The following ABCA13 variants were observed in gnomAD, a reference collection of about 807,000 sequenced individuals.
ABCA13 encodes ATP-binding cassette sub-family A member 13.
A neutral mutation model predicts 478.7 loss-of-function variants in ABCA13; 476 were observed. The ratio of observed to expected loss-of-function variants is 0.99; its 90% CI spans 0.92 to 1.07. The LOEUF is 1.07. Ranked by LOEUF, ABCA13 falls within the 50% of genes least tolerant of loss-of-function variation. ABCA13 has a pLI of 0.00. For synonymous variants in ABCA13, 2,252 were observed against 2,158.9 expected, an observed-to-expected ratio of 1.04 and a Z score of -1.20; for missense variants, 6,060 against 5,910.6, an observed-to-expected ratio of 1.03 and a Z score of -0.83.
At chr7:48,594,443 AT>A (rs1033082407) in intron 57 of ABCA13, among the ~76,000 whole-genome samples, 14 of 151,200 alleles carry the variant, frequency 9.3e-5, no homozygotes, top group African/African-American at 3.4e-4. Flanking sequence ...TGTTTTTTGA[AT>A]TTCTCTGGAT....
intron 27 of ABCA13, among the ~76,000 whole-genome samples, chr7:48,327,811 G>T (rs1563058337): frequency 6.6e-6 from 1 of 152,176 alleles, no homozygotes; most frequent in African/African-American, 2.4e-5. Context: ...ATAACTTTGT[G>T]TAGCAATGCA....
At chr7:48,350,614 A>T (rs1199236613) in intron 29 of ABCA13, 29 bp from the exon 30 acceptor site, 1 of 1,552,118 alleles carries the variant, frequency 6.4e-7, no homozygotes, top group Non-Finnish European at 8.7e-7. Context: ...ACAGAAGTTG[A>T]TGTGTCCTAA....
At chr7:48,461,535 C>A (rs1309473444) in intron 43 of ABCA13, among the ~76,000 whole-genome samples, 1 of 152,118 alleles carries the variant, frequency 6.6e-6, no homozygotes, top group Non-Finnish European at 1.5e-5. Context: ...TGTATGGGGA[C>A]AAAGTCCAGC....
intron 3 of ABCA13, among the ~76,000 whole-genome samples, chr7:48,202,969 G>A (rs1329883372): frequency 6.6e-6 from 1 of 152,204 alleles, no homozygotes; most frequent in Non-Finnish European, 1.5e-5. Context: ...AGGGGGCGGC[G>A]CTCGTCGGGG....
At chr7:48,325,675 A>T (rs10226712) in intron 27 of ABCA13, among the ~76,000 whole-genome samples, 102,145 of 152,046 alleles carry the variant, frequency 0.67, 34,464 homozygotes, top group Admixed American at 0.74. Context: ...TTTAATATGA[A>T]TAATTATTAC....
At chr7:48,188,062 C>A (rs1041044318) in intron 1 of ABCA13, among the ~76,000 whole-genome samples, 2 of 151,950 alleles carry the variant, frequency 1.3e-5, no homozygotes, top group African/African-American at 4.8e-5. Context: ...CCTTCAATAT[C>A]TAGTGTGATC....
chr7:48,340,595 G>T (rs990312580), intron 29 of ABCA13, among the ~76,000 whole-genome samples: 3 of 152,048 alleles, frequency 2.0e-5, no homozygotes, highest in Non-Finnish European at 4.4e-5. Flanking sequence ...ATGAAGATAA[G>T]AATATGTATT....
intron 3 of ABCA13, among the ~76,000 whole-genome samples, chr7:48,209,258 G>T (rs1785316170): frequency 6.6e-6 from 1 of 152,012 alleles, no homozygotes; most frequent in Non-Finnish European, 1.5e-5. Context: ...ATTCAGTTTT[G>T]TTGGTATTTT....
Position 48,298,423 on chromosome 7 carries a change from C to A in ABCA13, c.9257C>A (p.Ser3086Tyr), listed in dbSNP as rs1020323110. ...ACCAAGTTGACTGAGGAGCTTCGCT[C>A]TTCCATCCAAATCTCGAATGAGACT... The part of the protein sequence containing the change: ...NITKLTEELR[S>Y]SIQISNETIH... Residue 3086 changes from serine (S) to tyrosine (Y), a missense_variant, in exon 23 of 62, where the codon TCT (serine) becomes TAT (tyrosine). Ser to Tyr is a moderately radical substitution (Grantham distance 144). This residue lies in a region of ABCA13 where 4,423 missense variants were observed against 4,309.1 expected (regional missense o/e 1.03). Transcript: ENST00000435803. 6.2e-7 allele frequency: 1 copy of A among 1,613,318 alleles called. No individual in the cohort carries two copies. The highest frequency in any genetic ancestry group is 8.5e-7 in the Non-Finnish European group (1 of 1,179,438).
chr7:48,382,337 CAA>C (rs1814522721), intron 35 of ABCA13, among the ~76,000 whole-genome samples: 1 of 152,172 alleles, frequency 6.6e-6, no homozygotes, highest in Non-Finnish European at 1.5e-5. Context: ...TCCCCAACTC[CAA>C]AATGTCTAGA....
rs1176747954 is a variant in ABCA13, at chr7:48,272,483, A to G, written c.2817A>G (p.Gln939=). 6 of 1,613,820 alleles carry G rather than the reference A, an allele frequency of 3.7e-6. No individual in the cohort carries two copies. In the South Asian group the frequency reaches 6.6e-5, roughly 18 times the overall value. The part of the protein sequence containing the change: ...LFSALSEPQK[Q]EVDKILTHIH... ...CAGCCCTTTCTGAACCACAAAAACA[A>G]GAAGTTGATAAAATTTTGACTCACA... is the stretch of plus-strand genomic sequence containing the variant. Residue 939 remains glutamine (Q), a synonymous_variant, in exon 17 of 62, where the codon CAA becomes CAG. Transcript: ENST00000435803.
chr7:48,349,362 G>A (rs1299146432), intron 29 of ABCA13, among the ~76,000 whole-genome samples: 2 of 152,158 alleles, frequency 1.3e-5, no homozygotes, highest in African/African-American at 4.8e-5. Flanking sequence ...GAAGGAGCCC[G>A]ACACTTCTTG....
intron 24 of ABCA13, among the ~76,000 whole-genome samples, chr7:48,312,490 T>C (rs1384890225): frequency 1.3e-5 from 2 of 152,134 alleles, no homozygotes; most frequent in Non-Finnish European, 2.9e-5. Flanking sequence ...CAGTTGGTGA[T>C]AGCATAAGTA....
chr7:48,416,568 C>T (rs549378382), intron 41 of ABCA13, among the ~76,000 whole-genome samples: 20 of 152,230 alleles, frequency 1.3e-4, no homozygotes, highest in South Asian at 2.1e-4. Context: ...TCTAGTGCAG[C>T]GCGTGACACA....
At chr7:48,600,360 T>TC (rs1350143197) in intron 58 of ABCA13, among the ~76,000 whole-genome samples, 15 of 152,034 alleles carry the variant, frequency 9.9e-5, no homozygotes, top group African/African-American at 3.6e-4. Flanking sequence ...TTTTTTTTTT[T>TC]CCCAATCTGA....
At chr7:48,257,932 TA>T (rs771847972) in intron 15 of ABCA13, among the ~76,000 whole-genome samples, 6 of 152,242 alleles carry the variant, frequency 3.9e-5, no homozygotes, top group South Asian at 4.1e-4. Flanking sequence ...CTTATTTATT[TA>T]TTTTTTTTGA....
intron 42 of ABCA13, among the ~76,000 whole-genome samples, chr7:48,438,819 A>G (rs775127017): frequency 6.6e-6 from 1 of 151,422 alleles, no homozygotes; most frequent in East Asian, 2.0e-4. Context: ...TAAATATCCA[A>G]CTTTGTTGCT....
At chr7:48,585,930 GATAGAACTGGAAACAGAAA>G (rs1265772341) in intron 56 of ABCA13, among the ~76,000 whole-genome samples, 3 of 152,198 alleles carry the variant, frequency 2.0e-5, no homozygotes, top group African/African-American at 7.2e-5. Context: ...CAGCATAGGA[GATAGAACTGGAAACAGAAA>G]ATATAGTGTG....
chr7:48,588,581 C>T (rs1789429574), intron 57 of ABCA13, among the ~76,000 whole-genome samples: 1 of 152,226 alleles, frequency 6.6e-6, no homozygotes, highest in African/African-American at 2.4e-5. Flanking sequence ...TTGAATTTTG[C>T]TTCTGCAGCT....
Sources: gnomAD v4.1 joint callset for allele counts (sites outside exome capture counted in the v4.1 genomes callset) on GRCh38, gnomAD v4.1.1 for gene constraint, gnomAD v4.1.1 regional missense constraint, MANE v1.5 for transcripts, NCBI Gene and HGNC (gene_info 2026-07-23, HGNC 2026-07-21) for gene names.